DCC: variants seen among roughly 807,000 people sequenced by gnomAD.
DCC encodes netrin receptor DCC.
Under a neutral mutation model 172.5 loss-of-function variants are expected in DCC, and 58 were observed. That is an observed-to-expected ratio of 0.34 (90% CI 0.27 to 0.42). DCC has a LOEUF of 0.42. Among genes scored for constraint, DCC ranks in the 10% least tolerant of loss-of-function variants. DCC has a pLI of 1.00. For missense variants in DCC, 1,740 were observed against 1,791.0 expected (o/e 0.97, Z 0.51); for synonymous variants, 709 against 644.5 (o/e 1.10, Z -1.52).
At chr18:52,513,781 G>A (rs185465370) in intron 1 of DCC, among the ~76,000 whole-genome samples, 5 of 152,102 alleles carry the variant, frequency 3.3e-5, no homozygotes, top group Admixed American at 2.0e-4. Context: ...TCCTCAGTCT[G>A]CTATTAAATA....
chr18:52,893,460 C>A (rs1414048084), intron 2 of DCC, among the ~76,000 whole-genome samples: 1 of 152,136 alleles, frequency 6.6e-6, no homozygotes, highest in African/African-American at 2.4e-5. Flanking sequence ...CTTTGGGTAA[C>A]ATGCTCAATT....
At chr18:52,457,321 A>G (rs17827952) in intron 1 of DCC, among the ~76,000 whole-genome samples, 1,545 of 152,284 alleles carry the variant, frequency 0.01, 60 homozygotes, top group Admixed American at 0.067. Flanking sequence ...GCATTTGGTC[A>G]TGTTTTGGAG....
intron 2 of DCC, among the ~76,000 whole-genome samples, chr18:52,781,337 TC>T (rs1427702662): frequency 6.6e-6 from 1 of 152,128 alleles, no homozygotes; most frequent in Admixed American, 6.6e-5. Context: ...TCTGAGCCTC[TC>T]CCAATCTATT....
intron 5 of DCC, among the ~76,000 whole-genome samples, chr18:53,022,742 C>T (rs1024615612): frequency 1.5e-4 from 23 of 152,084 alleles, no homozygotes; most frequent in Middle Eastern, 6.8e-3. Flanking sequence ...TTGTCAAAAG[C>T]ATCAATACAC....
intron 3 of DCC, among the ~76,000 whole-genome samples, chr18:52,910,241 G>T (rs2039952538): frequency 6.6e-6 from 1 of 152,118 alleles, no homozygotes; most frequent in Non-Finnish European, 1.5e-5. Context: ...TCTGACAGAA[G>T]CTGGTTAGTA....
intron 5 of DCC, among the ~76,000 whole-genome samples, chr18:52,975,318 T>G: frequency 6.6e-6 from 1 of 152,308 alleles, no homozygotes; most frequent in Admixed American, 6.5e-5. Context: ...TTTCTTTCTT[T>G]TCTTATAAGG....
At chr18:52,878,740 T>C (rs1283338765) in intron 2 of DCC, among the ~76,000 whole-genome samples, 1 of 152,208 alleles carries the variant, frequency 6.6e-6, no homozygotes, top group African/African-American at 2.4e-5. Flanking sequence ...CTTTCCCTAG[T>C]GACTGGAGTA....
chr18:52,955,842 G>T (rs575355193), intron 5 of DCC, among the ~76,000 whole-genome samples: 4 of 152,106 alleles, frequency 2.6e-5, no homozygotes, highest in Admixed American at 2.6e-4. Context: ...ATACTTGCTT[G>T]CCATCTGTAT....
chr18:52,953,055 C>T (rs1045911583), intron 5 of DCC, among the ~76,000 whole-genome samples: 1 of 145,124 alleles, frequency 6.9e-6, no homozygotes, highest in Non-Finnish European at 1.5e-5. Flanking sequence ...TAATACCTCT[C>T]TAATATTCCT....
chr18:52,616,930 A>G (rs2034392242), intron 1 of DCC, among the ~76,000 whole-genome samples: 1 of 152,150 alleles, frequency 6.6e-6, no homozygotes, highest in African/African-American at 2.4e-5. Context: ...TGAGATGCAT[A>G]AAGGTAATTT....
intron 13 of DCC, among the ~76,000 whole-genome samples, chr18:53,307,957 T>C (rs1253833943): frequency 7.5e-6 from 1 of 133,396 alleles, no homozygotes; most frequent in Non-Finnish European, 1.6e-5. Flanking sequence ...ATATGTATTT[T>C]ATACGAGGTA....
chr18:53,203,420 G>A (rs2055575756), intron 9 of DCC, among the ~76,000 whole-genome samples: 1 of 151,764 alleles, frequency 6.6e-6, no homozygotes, highest in Non-Finnish European at 1.5e-5. Flanking sequence ...AAAAAACACA[G>A]TAATTTGTAA....
chr18:53,308,478 C>G (rs538846252), intron 13 of DCC, among the ~76,000 whole-genome samples: 1 of 152,018 alleles, frequency 6.6e-6, no homozygotes, highest in Non-Finnish European at 1.5e-5. Flanking sequence ...ACAATTTTTG[C>G]TTTCAAAAAT....
At chr18:53,279,783 C>T (rs535938620) in intron 12 of DCC, among the ~76,000 whole-genome samples, 14 of 152,036 alleles carry the variant, frequency 9.2e-5, no homozygotes, top group African/African-American at 2.2e-4. Context: ...TATTCTTGGC[C>T]GCAACATGGA....
intron 7 of DCC, among the ~76,000 whole-genome samples, chr18:53,125,630 G>A (rs533655707): frequency 1.6e-4 from 25 of 152,152 alleles, no homozygotes; most frequent in Admixed American, 1.2e-3. Flanking sequence ...TAAACAAATG[G>A]TTCCATAGAA....
At chr18:52,920,186 TA>T (rs2040100755) in intron 3 of DCC, among the ~76,000 whole-genome samples, 1 of 151,996 alleles carries the variant, frequency 6.6e-6, no homozygotes, top group African/African-American at 2.4e-5. Context: ...AACGTCTAAA[TA>T]ATCATGAAAG....
At chr18:52,487,217 T>G (rs1440541119) in intron 1 of DCC, among the ~76,000 whole-genome samples, 1 of 152,082 alleles carries the variant, frequency 6.6e-6, no homozygotes, top group South Asian at 2.1e-4. Flanking sequence ...GTGGCAACAA[T>G]CAATAGTATC....
chr18:53,220,908 C>T (rs994029709), intron 12 of DCC, among the ~76,000 whole-genome samples: 2 of 152,022 alleles, frequency 1.3e-5, no homozygotes, highest in Non-Finnish European at 2.9e-5. Flanking sequence ...GCAATATTTC[C>T]TGGGGGCTCT....
At chr18:53,378,699 A>G (rs1033568865) in intron 15 of DCC, among the ~76,000 whole-genome samples, 1 of 152,198 alleles carries the variant, frequency 6.6e-6, no homozygotes, top group African/African-American at 2.4e-5. Flanking sequence ...CTCACTAAGC[A>G]TGTTTTGACC....
Sources: allele counts gnomAD v4.1 joint callset (sites outside exome capture counted in the v4.1 genomes callset), GRCh38; gene constraint gnomAD v4.1.1; transcripts MANE v1.5; gene names NCBI Gene and HGNC (gene_info 2026-07-23, HGNC 2026-07-21).